The following KIAA1217 variants were observed in gnomAD, a reference collection of about 807,000 sequenced individuals.
KIAA1217 encodes KIAA1217, also known as sickle tail protein homolog.
A neutral mutation model predicts 163.9 loss-of-function variants in KIAA1217; 88 were observed. The observed-to-expected ratio is 0.54, with a 90% confidence interval of 0.45 to 0.64. KIAA1217 has a LOEUF of 0.64. Ranked by LOEUF, KIAA1217 falls within the 30% of genes least tolerant of loss-of-function variation. KIAA1217 has a pLI of 0.00. For synonymous variants in KIAA1217, 903 were observed against 923.1 expected (o/e 0.98, Z 0.39); for missense variants, 2,372 against 2,475.0 (o/e 0.96, Z 0.88).
Position 24,544,478 on chromosome 10 carries a change from T to TA in KIAA1217, c.5210dup (p.Ser1739LeufsTer42). The TA allele has an allele frequency of 6.2e-7, 1 of 1,608,270 alleles. No individual in the cohort carries two copies. Among genetic ancestry groups the TA allele is most frequent in the Non-Finnish European group, 8.5e-7 (1 of 1,176,606 alleles). ...CTACGTCGATACCTTCAGCTTCACG[T>TA]AAGGTATCTTGGTCTGCTGGAAAAT... is the stretch of plus-strand genomic sequence containing the variant. On this transcript the variant is annotated frameshift_variant, in exon 19 of 21. Coordinates refer to ENST00000376454, the MANE Select transcript of KIAA1217 (RefSeq NM_019590.5). LOFTEE classifies it high-confidence loss of function.
chr10:24,523,160 A>G (rs1008311345), intron 12 of KIAA1217, among the ~76,000 whole-genome samples: 1 of 152,088 alleles, frequency 6.6e-6, no homozygotes, highest in Non-Finnish European at 1.5e-5. Context: ...TCTACAAAAA[A>G]TTATTTTAAA....
At chr10:24,318,608 T>G (rs1390884649) in intron 2 of KIAA1217, among the ~76,000 whole-genome samples, 1 of 152,114 alleles carries the variant, frequency 6.6e-6, no homozygotes, top group Non-Finnish European at 1.5e-5. Context: ...CCTCCCCCTC[T>G]CTTATCTGGA....
chr10:24,279,250 T>G (rs1590524979), intron 2 of KIAA1217, among the ~76,000 whole-genome samples: 1 of 101,674 alleles, frequency 9.8e-6, no homozygotes, highest in Admixed American at 1.3e-4. Flanking sequence ...TTTTTTTTTG[T>G]TGGTGGTGGT....
intron 2 of KIAA1217, chr10:24,367,131 A>T: frequency 1.0e-6 from 1 of 985,498 alleles, no homozygotes; most frequent in Non-Finnish European, 1.2e-6. Flanking sequence ...TTTGAAGGGC[A>T]TGCTGATCTC....
chr10:24,491,211 G>A (rs778115572), intron 6 of KIAA1217, among the ~76,000 whole-genome samples: 9 of 151,504 alleles, frequency 5.9e-5, no homozygotes, highest in Non-Finnish European at 8.8e-5. Flanking sequence ...TTCTAACCTC[G>A]AGGATGAATC....
intron 1 of KIAA1217, among the ~76,000 whole-genome samples, chr10:23,810,513 TATAG>T (rs1302596473): frequency 1.4e-5 from 2 of 138,234 alleles, no homozygotes; most frequent in South Asian, 2.2e-4. Flanking sequence ...CTATATATAC[TATAG>T]ATAATCTATA....
chr10:24,404,038 G>GC (rs2056883503), intron 3 of KIAA1217, among the ~76,000 whole-genome samples: 1 of 151,930 alleles, frequency 6.6e-6, no homozygotes, highest in Non-Finnish European at 1.5e-5. Flanking sequence ...TTCCACCATA[G>GC]CCCCCATCTC....
intron 1 of KIAA1217, among the ~76,000 whole-genome samples, chr10:23,846,321 G>A (rs954108585): frequency 3.3e-5 from 5 of 152,098 alleles, no homozygotes; most frequent in Non-Finnish European, 7.4e-5. Context: ...ATTACTTCGA[G>A]CACTATGGCC....
At chr10:23,777,721 A>C (rs140792892) in intron 1 of KIAA1217, among the ~76,000 whole-genome samples, 3 of 152,280 alleles carry the variant, frequency 2.0e-5, no homozygotes, top group African/African-American at 7.2e-5. Context: ...ATGAAGGTTG[A>C]GGAAGAGTGG....
rs1554795192 is a variant in KIAA1217, at chr10:23,790,552, C to CATATGTACATATGTATATATACATATGT, written c.-321+95331_-321+95358dup. ...ATATACATATACATGTGCATATATA[C>CATATGTACATATGTATATATACATATGT]ATATGTACATATGTATATATACATA... On this transcript the variant is annotated intron_variant, in intron 1 of 18. Coordinates refer to the KIAA1217 transcript ENST00000376462. 1.3e-4 allele frequency among the ~76,000 whole-genome samples: 13 copies of CATATGTACATATGTATATATACATATGT among 102,096 alleles called. 1 individual carries two copies. Among genetic ancestry groups the CATATGTACATATGTATATATACATATGT allele is most frequent in the East Asian group, 2.3e-4 (1 of 4,264 alleles). 67.0% of individuals were successfully genotyped at this position (102,096 alleles called of 152,430 possible). A position where few individuals can be genotyped will look rare whatever the true frequency, so the allele number is the denominator to read the frequency against.
chr10:24,446,952 A>G (rs1375253231), intron 5 of KIAA1217, among the ~76,000 whole-genome samples: 1 of 151,972 alleles, frequency 6.6e-6, no homozygotes, highest in African/African-American at 2.4e-5. Flanking sequence ...GTCCTTTCCC[A>G]CCACTGTCTT....
chr10:24,046,948 T>C (rs1451535502), intron 2 of KIAA1217, among the ~76,000 whole-genome samples: 1 of 152,260 alleles, frequency 6.6e-6, no homozygotes, highest in East Asian at 1.9e-4. Flanking sequence ...ATTGGTTAGC[T>C]AGTTCCTGAA....
intron 1 of KIAA1217, among the ~76,000 whole-genome samples, chr10:23,920,135 C>A (rs1159683881): frequency 1.3e-5 from 2 of 152,174 alleles, no homozygotes; most frequent in Admixed American, 6.5e-5. Flanking sequence ...TCTTCTGCAA[C>A]ACAGTGACAT....
intron 2 of KIAA1217, among the ~76,000 whole-genome samples, chr10:24,064,101 A>T (rs2060841601): frequency 6.6e-6 from 1 of 152,148 alleles, no homozygotes; most frequent in Admixed American, 6.5e-5. Context: ...GGAGAATTTG[A>T]CTTCCTCTTT....
At chr10:23,872,009 G>C (rs1840478167) in intron 1 of KIAA1217, among the ~76,000 whole-genome samples, 1 of 151,902 alleles carries the variant, frequency 6.6e-6, no homozygotes, top group African/African-American at 2.4e-5. Context: ...TTTTTATTCA[G>C]CTTTTCTGAG....
At chr10:24,326,543 A>G (rs1003223382) in intron 2 of KIAA1217, among the ~76,000 whole-genome samples, 1 of 152,186 alleles carries the variant, frequency 6.6e-6, no homozygotes, top group Non-Finnish European at 1.5e-5. Flanking sequence ...ACATTTCTTG[A>G]ATCTAAAGGT....
chr10:23,945,705 A>G (rs1844000056), intron 1 of KIAA1217, among the ~76,000 whole-genome samples: 2 of 152,184 alleles, frequency 1.3e-5, no homozygotes, highest in South Asian at 2.1e-4. Context: ...TGTTTAATAT[A>G]AAATAAGTGG....
intron 2 of KIAA1217, among the ~76,000 whole-genome samples, chr10:24,043,388 T>C (rs1848756189): frequency 6.6e-6 from 1 of 152,136 alleles, no homozygotes; most frequent in Admixed American, 6.6e-5. Flanking sequence ...ACCTGACCTC[T>C]TCTCCATTAA....
intron 3 of KIAA1217, among the ~76,000 whole-genome samples, chr10:24,403,029 C>G (rs1470858566): frequency 6.6e-6 from 1 of 152,080 alleles, no homozygotes; most frequent in East Asian, 1.9e-4. Flanking sequence ...AAAACTTCAA[C>G]CTGAGTCTCA....
Sources: allele counts gnomAD v4.1 joint callset (sites outside exome capture counted in the v4.1 genomes callset), GRCh38; gene constraint gnomAD v4.1.1; transcripts MANE v1.5; gene names NCBI Gene and HGNC (gene_info 2026-07-23, HGNC 2026-07-21).